EPAS1: variants seen among roughly 807,000 people sequenced by gnomAD.
The protein encoded by EPAS1 is endothelial PAS domain-containing protein 1.
A neutral mutation model predicts 87.9 loss-of-function variants in EPAS1; 23 were observed. The observed-to-expected ratio is 0.26, with a 90% CI of 0.19 to 0.37. EPAS1 has a LOEUF of 0.37. Among genes scored for constraint, EPAS1 ranks in the 10% least tolerant of loss-of-function variants. The pLI is 1.00. For synonymous variants in EPAS1, 508 were observed against 444.3 expected, an observed-to-expected ratio of 1.14 and a Z score of -1.80; for missense variants, 1,138 against 1,120.7, an observed-to-expected ratio of 1.02 and a Z score of -0.22.
rs181947375 is a variant in EPAS1, at chr2:46,350,635, G to A, written c.217+3572G>A. Among the ~76,000 whole-genome samples the A allele has an allele frequency of 3.5e-4, 54 of 152,344 alleles. 1 individual carries two copies. The highest frequency in any genetic ancestry group is 1.2e-3 in the African/African-American group (50 of 41,574). The stretch of plus-strand genomic sequence containing the variant: ...ATTGTCCTAAATCCTCTTTCAAGAT[G>A]AGCCCCACAAACCATGAGCGAATCA... On this transcript the variant is annotated intron_variant, in intron 2 of 15. Coordinates refer to ENST00000263734, the MANE Select transcript of EPAS1 (RefSeq NM_001430.5).
At chr2:46,377,759 GGT>G in intron 9 of EPAS1, 133 bp from the exon 10 acceptor site, 1 of 1,433,472 alleles carries the variant, frequency 7.0e-7, no homozygotes, top group South Asian at 1.2e-5. Context: ...TGAGCCCCAG[GGT>G]GTTGGGGGGG....
At chr2:46,326,217 G>C (rs1022418837) in intron 1 of EPAS1, among the ~76,000 whole-genome samples, 2 of 152,152 alleles carry the variant, frequency 1.3e-5, no homozygotes, top group Non-Finnish European at 2.9e-5. Context: ...ACCAACTTAT[G>C]CTCTTGGGAG....
chr2:46,353,760 T>G (rs144194911), intron 2 of EPAS1, among the ~76,000 whole-genome samples: 1 of 152,182 alleles, frequency 6.6e-6, no homozygotes, highest in African/African-American at 2.4e-5. Context: ...GGATCAGGTG[T>G]GCGTATGTGT....
chr2:46,361,861 A>G (rs1684395631), intron 6 of EPAS1, among the ~76,000 whole-genome samples: 1 of 152,160 alleles, frequency 6.6e-6, no homozygotes, highest in South Asian at 2.1e-4. Context: ...CATAGGAGGG[A>G]GTATTTAGAT....
At chr2:46,305,128 G>C (rs1274879571) in intron 1 of EPAS1, among the ~76,000 whole-genome samples, 1 of 152,202 alleles carries the variant, frequency 6.6e-6, no homozygotes, top group East Asian at 1.9e-4. Context: ...AATAGCATCT[G>C]TAATTTTCAA....
intron 1 of EPAS1, among the ~76,000 whole-genome samples, chr2:46,299,884 T>C (rs1682962190): frequency 6.6e-6 from 1 of 152,240 alleles, no homozygotes; most frequent in Non-Finnish European, 1.5e-5. Flanking sequence ...CTCCCAATTA[T>C]TGGCGAGAGC....
At chr2:46,311,768 G>T (rs1683215380) in intron 1 of EPAS1, among the ~76,000 whole-genome samples, 1 of 152,128 alleles carries the variant, frequency 6.6e-6, no homozygotes. Flanking sequence ...TCCCCACCTT[G>T]GCTAGTGAGA....
chr2:46,331,721 C>T (rs1322974905), intron 1 of EPAS1, among the ~76,000 whole-genome samples: 3 of 152,154 alleles, frequency 2.0e-5, no homozygotes, highest in Non-Finnish European at 2.9e-5. Context: ...TTCTACCAAC[C>T]GGCACCGAAA....
intron 1 of EPAS1, among the ~76,000 whole-genome samples, chr2:46,329,228 G>C (rs1361327884): frequency 6.6e-6 from 1 of 152,176 alleles, no homozygotes; most frequent in African/African-American, 2.4e-5. Context: ...TACTGACTCT[G>C]GTTCAGGGAT....
intron 1 of EPAS1, among the ~76,000 whole-genome samples, chr2:46,304,260 T>C (rs1683065400): frequency 6.6e-6 from 1 of 152,198 alleles, no homozygotes; most frequent in African/African-American, 2.4e-5. Flanking sequence ...AGATAAGCCC[T>C]GTTATTATCC....
intron 4 of EPAS1, among the ~76,000 whole-genome samples, chr2:46,357,831 G>A (rs1192835878): frequency 2.0e-5 from 3 of 152,222 alleles, no homozygotes; most frequent in African/African-American, 7.2e-5. Flanking sequence ...CAGAAAGCAC[G>A]TTGCAATGGT....
intron 3 of EPAS1, 68 bp from the exon 4 acceptor site, chr2:46,356,656 C>T (rs952602772): frequency 1.7e-5 from 22 of 1,282,248 alleles, no homozygotes; most frequent in Admixed American, 6.7e-5. Flanking sequence ...GAAGGTGGCT[C>T]AGCTTACTCT....
chr2:46,382,893 GA>G (rs1384797371), intron 15 of EPAS1, among the ~76,000 whole-genome samples: 3 of 152,042 alleles, frequency 2.0e-5, no homozygotes, highest in Non-Finnish European at 4.4e-5. Flanking sequence ...AAAGAGGACT[GA>G]ACACTGAACA....
At chr2:46,330,298 C>T (rs1410677487) in intron 1 of EPAS1, among the ~76,000 whole-genome samples, 1 of 152,190 alleles carries the variant, frequency 6.6e-6, no homozygotes, top group Non-Finnish European at 1.5e-5. Context: ...CGTTTCTGAG[C>T]TGTTATCGCT....
At chr2:46,324,355 C>T (rs902324229) in intron 1 of EPAS1, among the ~76,000 whole-genome samples, 8 of 152,232 alleles carry the variant, frequency 5.3e-5, no homozygotes, top group African/African-American at 1.9e-4. Context: ...GTGTGAGCCA[C>T]TGCGCCCAGC....
chr2:46,331,769 G>GGA (rs1683678884), intron 1 of EPAS1, among the ~76,000 whole-genome samples: 1 of 151,774 alleles, frequency 6.6e-6, no homozygotes, highest in Non-Finnish European at 1.5e-5. Context: ...GACTACTCAG[G>GGA]GAGAGCCACT....
intron 1 of EPAS1, among the ~76,000 whole-genome samples, chr2:46,322,027 G>A (rs1004504079): frequency 2.0e-5 from 3 of 152,078 alleles, no homozygotes; most frequent in African/African-American, 7.2e-5. Context: ...CTACTGATTT[G>A]GGTGATGTAT....
rs1483377437 is a variant in EPAS1, at chr2:46,379,981, A to G, written c.1555-246A>G. On this transcript the variant is annotated intron_variant, in intron 11 of 15. Transcript: ENST00000263734. The stretch of plus-strand genomic sequence containing the variant: ...ACAGGTGGGATGGGGAGAGGAGAAC[A>G]TTTCTCAATGTGCAGGGTGAAGAGG... The G allele has an allele frequency of 8.1e-6, 5 of 613,750 alleles. No homozygotes were observed. In the East Asian group the frequency reaches 1.1e-4, roughly 14 times the overall value. The allele number at this position is 613,750 out of a possible 1,614,324, so 38.0% of individuals were successfully genotyped here.
At chr2:46,379,363 G>A (rs1015795151) in intron 11 of EPAS1, among the ~76,000 whole-genome samples, 1 of 152,056 alleles carries the variant, frequency 6.6e-6, no homozygotes, top group African/African-American at 2.4e-5. Context: ...TTAGTCTTGA[G>A]TTCAACCAGA....
Sources: allele counts gnomAD v4.1 joint callset (sites outside exome capture counted in the v4.1 genomes callset), GRCh38; gene constraint gnomAD v4.1.1; transcripts MANE v1.5; gene names NCBI Gene and HGNC (gene_info 2026-07-23, HGNC 2026-07-21).